LEMD3: variants seen among roughly 807,000 people sequenced by gnomAD.
The protein encoded by LEMD3 is LEM domain containing 3.
A neutral mutation model predicts 95.2 loss-of-function variants in LEMD3; 33 were observed. The observed-to-expected ratio is 0.35, with a 90% confidence interval of 0.26 to 0.46. The LOEUF (loss-of-function observed/expected upper bound fraction) is 0.46, where lower values mean the gene tolerates loss of function less well. LEMD3 is among the 20% of genes least tolerant of loss of function. The pLI is 1.00. For synonymous variants in LEMD3, 525 were observed against 474.6 expected, an observed-to-expected ratio of 1.11 and a Z score of -1.38; for missense variants, 1,210 against 1,192.8, an observed-to-expected ratio of 1.01 and a Z score of -0.21.
intron 4 of LEMD3, among the ~76,000 whole-genome samples, chr12:65,226,915 A>T (rs190430810): frequency 6.6e-6 from 1 of 152,238 alleles, no homozygotes; most frequent in African/African-American, 2.4e-5. Flanking sequence ...CTCTAATAAC[A>T]TGCCACAGAA....
chr12:65,210,236 T>G (rs912717225), intron 1 of LEMD3, among the ~76,000 whole-genome samples: 11 of 151,918 alleles, frequency 7.2e-5, no homozygotes, highest in African/African-American at 2.7e-4. Context: ...AATTCTTAGT[T>G]ACTTTGATCT....
Position 65,247,566 on chromosome 12 carries a change from T to C in LEMD3, c.*1241T>C, listed in dbSNP as rs1399949722. The C allele has an allele frequency of 6.6e-6, 1 of 152,198 alleles. No homozygotes were observed. Among genetic ancestry groups the C allele is most frequent in the Non-Finnish European group, 1.5e-5 (1 of 68,000 alleles). The allele number at this position is 152,198 out of a possible 1,614,324, so 9.4% of individuals were successfully genotyped here. A position where few individuals can be genotyped will look rare whatever the true frequency, so the allele number is the denominator to read the frequency against. Reference sequence around the variant, plus strand: ...GTTTATGATTTCAGATAAAAATAGTTGCTGAGTAAATTTTACTTGTAATCT... The same window carrying C: ...GTTTATGATTTCAGATAAAAATAGTCGCTGAGTAAATTTTACTTGTAATCT... On this transcript the variant is annotated 3_prime_UTR_variant, in exon 13 of 13. Coordinates refer to ENST00000308330, the MANE Select transcript of LEMD3 (RefSeq NM_014319.5).
chr12:65,238,904 T>C, intron 6 of LEMD3, 90 bp downstream of exon 6: 1 of 1,275,850 alleles, frequency 7.8e-7, no homozygotes. Flanking sequence ...TTCATTTTTG[T>C]GATGGTTGCC....
chr12:65,218,097 A>G (rs973232792), intron 3 of LEMD3, among the ~76,000 whole-genome samples: 7 of 152,184 alleles, frequency 4.6e-5, no homozygotes, highest in Non-Finnish European at 7.4e-5. Context: ...TGAACCCTTA[A>G]ATGATTAGCT....
intron 4 of LEMD3, among the ~76,000 whole-genome samples, chr12:65,227,005 T>C (rs12582258): frequency 0.071 from 10,773 of 151,364 alleles, 484 homozygotes; most frequent in East Asian, 0.15. Context: ...AATTTATGGA[T>C]AGTGTAATAG....
intron 1 of LEMD3, among the ~76,000 whole-genome samples, chr12:65,189,287 G>T (rs1027146943): frequency 1.3e-5 from 2 of 152,182 alleles, no homozygotes; most frequent in Admixed American, 6.5e-5. Flanking sequence ...AAGGACTGGT[G>T]TATGCTCTTT....
rs111954286 is a variant in LEMD3 at position 65,186,242 on chromosome 12, G to A, written c.1522+15124G>A. On this transcript the variant is annotated intron_variant, in intron 1 of 12. Transcript: ENST00000308330. ...TTTTTTTTTCTTTTACATTTTGCCC[G>A]TTGCTTTTTATTGTGAAGAGATACT... 2.2e-3 allele frequency among the ~76,000 whole-genome samples: 329 copies of A among 151,712 alleles called. 1 individual carries two copies. The highest frequency in any genetic ancestry group is 7.6e-3 in the African/African-American group (314 of 41,420).
chr12:65,199,274 T>C (rs960067331), intron 1 of LEMD3, among the ~76,000 whole-genome samples: 2 of 152,146 alleles, frequency 1.3e-5, no homozygotes, highest in African/African-American at 4.8e-5. Context: ...GAACAGACTG[T>C]CATTAAAGTC....
At chr12:65,197,600 C>G (rs1869471247) in intron 1 of LEMD3, among the ~76,000 whole-genome samples, 1 of 152,096 alleles carries the variant, frequency 6.6e-6, no homozygotes, top group African/African-American at 2.4e-5. Context: ...TTAAGTGTCT[C>G]TGTTTCCTGA....
At chr12:65,216,952 A>G (rs1369909150) in intron 3 of LEMD3, among the ~76,000 whole-genome samples, 1 of 152,166 alleles carries the variant, frequency 6.6e-6, no homozygotes, top group Non-Finnish European at 1.5e-5. Flanking sequence ...ACTTCAAGCT[A>G]ATGACATTTA....
intron 1 of LEMD3, among the ~76,000 whole-genome samples, chr12:65,182,449 C>A (rs1252003205): frequency 6.6e-6 from 1 of 152,118 alleles, no homozygotes; most frequent in Non-Finnish European, 1.5e-5. Context: ...ACATGTTCAG[C>A]ATTATGACAT....
chr12:65,216,096 G>A (rs955118895), intron 3 of LEMD3, 53 bp downstream of exon 3: 28 of 1,080,624 alleles, frequency 2.6e-5, no homozygotes, highest in Non-Finnish European at 3.6e-5. Flanking sequence ...AATGTATGTA[G>A]CATGTTATTA....
intron 1 of LEMD3, among the ~76,000 whole-genome samples, chr12:65,199,442 T>C (rs1869527415): frequency 6.6e-6 from 1 of 152,158 alleles, no homozygotes; most frequent in African/African-American, 2.4e-5. Flanking sequence ...TTTATGAATA[T>C]TTTCAGACAC....
Position 65,194,889 on chromosome 12 carries a change from A to ATTATAATTTAG in LEMD3, c.1523-16037_1523-16036insTTATAATTTAG, listed in dbSNP as rs1471553920. Among the ~76,000 whole-genome samples, 247 of 69,880 alleles carry ATTATAATTTAG rather than the reference A, an allele frequency of 3.5e-3. 1 individual carries two copies. The highest frequency in any genetic ancestry group is 0.017 in the East Asian group (22 of 1,292). 45.8% of individuals were successfully genotyped at this position (69,880 alleles called of 152,430 possible). On this transcript the variant is annotated intron_variant, in intron 1 of 12. Transcript: ENST00000308330. ...TTATAATTTAGATTATAATTTATAA[A>ATTATAATTTAG]ATTAAAATAAAATAATTATTAAATT...
At position 65,170,916 on chromosome 12, in the gene LEMD3, A is replaced by G. The variant is rs1193944933; in HGVS notation, c.1320A>G (p.Thr440=). 7 of 1,614,252 alleles carry G rather than the reference A, an allele frequency of 4.3e-6. No homozygotes were observed. Among genetic ancestry groups the G allele is most frequent in the East Asian group, 2.2e-5 (1 of 44,882 alleles). Residue 440 remains threonine (T), a synonymous_variant, in exon 1 of 13, where the codon ACA becomes ACG. Transcript: ENST00000308330. ...TGSNHTYLKN[T]YNKPKLSEPE... ...CCAATCATACCTACCTGAAAAACAC[A>G]TACAACAAACCGAAGCTTTCCGAAC...
At chr12:65,211,007 A>G (rs753891423) in intron 2 of LEMD3, 44 bp downstream of exon 2, 1 of 1,378,978 alleles carries the variant, frequency 7.3e-7, no homozygotes, top group Non-Finnish European at 1.0e-6. Flanking sequence ...GTCATGTTTT[A>G]TATGATAAAA....
chr12:65,245,981 A>G (rs776376066), intron 12 of LEMD3, 42 bp downstream of exon 12: 1 of 1,479,340 alleles, frequency 6.8e-7, no homozygotes, highest in Non-Finnish European at 9.4e-7. Flanking sequence ...AAAGATAGTT[A>G]TAGTTTAATT....
chr12:65,226,330 T>A (rs1289433233), intron 4 of LEMD3, among the ~76,000 whole-genome samples: 2 of 152,298 alleles, frequency 1.3e-5, no homozygotes, highest in Admixed American at 1.3e-4. Context: ...TGAATTTTCC[T>A]AACAGCTTTG....
chr12:65,213,847 A>G (rs1356849984), intron 2 of LEMD3, among the ~76,000 whole-genome samples: 2 of 152,190 alleles, frequency 1.3e-5, no homozygotes, highest in Non-Finnish European at 2.9e-5. Context: ...AAAAGAAAAT[A>G]AGTCTCTTTT....
Sources: gnomAD v4.1 joint callset for allele counts (sites outside exome capture counted in the v4.1 genomes callset) on GRCh38, gnomAD v4.1.1 for gene constraint, MANE v1.5 for transcripts, NCBI Gene and HGNC (gene_info 2026-07-23, HGNC 2026-07-21) for gene names.